CERT1: variants seen among roughly 807,000 people sequenced by gnomAD.
CERT1 encodes ceramide transporter 1, also known as ceramide transfer protein.
CERT1 carries 31 observed loss-of-function variants against 87.9 expected under a neutral mutation model. The observed-to-expected ratio is 0.35, with a 90% CI of 0.27 to 0.48. The LOEUF is 0.48. CERT1 is among the 20% of genes least tolerant of loss of function. CERT1 has a pLI of 0.99. For synonymous variants in CERT1, 289 were observed against 250.9 expected (o/e 1.15, Z -1.44); for missense variants, 487 against 758.0 (o/e 0.64, Z 4.20).
intron 2 of CERT1, among the ~76,000 whole-genome samples, chr5:75,481,290 C>T (rs1766229449): frequency 1.3e-5 from 2 of 152,178 alleles, no homozygotes; most frequent in South Asian, 2.1e-4. Context: ...TTCTCAAATT[C>T]CCCATTTCAC....
chr5:75,416,326 A>G (rs1421952964), intron 7 of CERT1, among the ~76,000 whole-genome samples: 2 of 152,120 alleles, frequency 1.3e-5, no homozygotes, highest in Admixed American at 1.3e-4. Context: ...TACTTAACAA[A>G]TCCACTGAGC....
At chr5:75,423,658 T>C (rs1763482345) in intron 5 of CERT1, among the ~76,000 whole-genome samples, 1 of 152,186 alleles carries the variant, frequency 6.6e-6, no homozygotes, top group African/African-American at 2.4e-5. Flanking sequence ...GGAGGATCAC[T>C]TGAGCCCAGG....
At chr5:75,462,172 A>G (rs1765259403) in intron 2 of CERT1, among the ~76,000 whole-genome samples, 1 of 152,210 alleles carries the variant, frequency 6.6e-6, no homozygotes, top group Non-Finnish European at 1.5e-5. Flanking sequence ...TTAGAAAGAA[A>G]CAAATGTAGG....
chr5:75,473,165 T>G (rs1044614796), intron 2 of CERT1, among the ~76,000 whole-genome samples: 1 of 152,126 alleles, frequency 6.6e-6, no homozygotes, highest in African/African-American at 2.4e-5. Context: ...ACTGCAACCT[T>G]GGACTCTTGG....
chr5:75,400,602 C>T lies in CERT1; in HGVS notation c.1018-305G>A, dbSNP rs78848225. The T allele has an allele frequency of 8.3e-3, 1,971 of 236,256 alleles. 40 individuals carry two copies. The highest frequency in any genetic ancestry group is 0.042 in the African/African-American group (1,861 of 44,720). 14.6% of individuals were successfully genotyped at this position (236,256 alleles called of 1,614,324 possible). On this transcript the variant is annotated intron_variant, in intron 9 of 16. Coordinates refer to ENST00000643780, the MANE Select transcript of CERT1 (RefSeq NM_001379029.1). ...ATTATTTATCATGGGTCAATCTTAA[C>T]GCTGCTGCCAATTCTCTCCTATCCA...
rs116409442 is a variant in CERT1, at chr5:75,397,383, A to G, written c.1188+1927T>C. 4.4e-3 allele frequency among the ~76,000 whole-genome samples: 665 copies of G among 152,336 alleles called. 3 individuals are homozygous for G. Among genetic ancestry groups the G allele is most frequent in the Non-Finnish European group, 7.6e-3 (519 of 68,026 alleles). Reference sequence around the variant, plus strand: ...AGTTTTACAAAAGGTTATTAATATTACGAAGAAGTAAGCTGTCAGCAAAAT... The same window carrying G: ...AGTTTTACAAAAGGTTATTAATATTGCGAAGAAGTAAGCTGTCAGCAAAAT... On this transcript the variant is annotated intron_variant, in intron 11 of 16. Transcript: ENST00000643780.
intron 2 of CERT1, among the ~76,000 whole-genome samples, chr5:75,485,244 G>A (rs1766454366): frequency 7.2e-6 from 1 of 139,704 alleles, no homozygotes; most frequent in South Asian, 2.2e-4. Context: ...AATGCAGGAG[G>A]ACTGCTTGAA....
chr5:75,498,232 C>G (rs1387950380), intron 2 of CERT1, among the ~76,000 whole-genome samples: 1 of 152,126 alleles, frequency 6.6e-6, no homozygotes, highest in East Asian at 1.9e-4. Flanking sequence ...AAATCTGCAG[C>G]CTGTTGATGT....
chr5:75,445,869 TTCTAAAGTTTCTGACAAGAAA>T (rs1225441197), intron 3 of CERT1, among the ~76,000 whole-genome samples: 7 of 152,154 alleles, frequency 4.6e-5, no homozygotes, highest in Non-Finnish European at 8.8e-5. Context: ...ACCTTCTGGC[TTCTAAAGTTTCTGACAAGAAA>T]TCTGTTAATT....
At chr5:75,427,224 A>T (rs1391571071) in intron 3 of CERT1, among the ~76,000 whole-genome samples, 6 of 152,244 alleles carry the variant, frequency 3.9e-5, no homozygotes, top group Non-Finnish European at 7.3e-5. Flanking sequence ...CAAAGAAATT[A>T]AAACATTTGA....
intron 2 of CERT1, among the ~76,000 whole-genome samples, chr5:75,498,679 C>T (rs1216811201): frequency 6.6e-6 from 1 of 152,210 alleles, no homozygotes; most frequent in Admixed American, 6.5e-5. Flanking sequence ...ATGGAAACAC[C>T]TGGATGTCCA....
At chr5:75,401,144 C>T (rs1284071360) in intron 9 of CERT1, 1 of 152,150 alleles carries the variant, frequency 6.6e-6, no homozygotes, top group Non-Finnish European at 1.5e-5. Context: ...TCTGTCATAT[C>T]AACATGCCTG....
At chr5:75,384,925 T>C (rs1056361087) in intron 13 of CERT1, among the ~76,000 whole-genome samples, 2 of 152,188 alleles carry the variant, frequency 1.3e-5, no homozygotes, top group Non-Finnish European at 2.9e-5. Context: ...CCTCATTTTC[T>C]TTGGCCCAAT....
At chr5:75,419,672 G>A (rs1209339133) in intron 5 of CERT1, among the ~76,000 whole-genome samples, 2 of 152,084 alleles carry the variant, frequency 1.3e-5, no homozygotes, top group African/African-American at 4.8e-5. Flanking sequence ...GTGAGACTAT[G>A]GAGAAGGGTA....
intron 2 of CERT1, among the ~76,000 whole-genome samples, chr5:75,469,168 T>C (rs1765600981): frequency 6.6e-6 from 1 of 151,040 alleles, no homozygotes; most frequent in Non-Finnish European, 1.5e-5. Flanking sequence ...ATACAATGAA[T>C]AAAATGAAAA....
In CERT1 at chr5:75,506,124, T is replaced by TGGGAAG. The variant is rs1290208233; in HGVS notation, c.97-14_97-9dup. Reference sequence around the variant, plus strand: ...ATGAATGTAGTTTGTCCACTGGGAGTGGGAAGGGGAAGGGAAGAGAGAAGA... The same window carrying TGGGAAG: ...ATGAATGTAGTTTGTCCACTGGGAGTGGGAAGGGGAAGGGGAAGGGAAGAGAGAAGA... On this transcript the variant is annotated splice_polypyrimidine_tract_variant and intron_variant, in intron 1 of 16. Transcript: ENST00000643780. The TGGGAAG allele has an allele frequency of 1.2e-6, 2 of 1,610,936 alleles. No homozygotes were observed. Among genetic ancestry groups the TGGGAAG allele is most frequent in the African/African-American group, 2.7e-5 (2 of 74,796 alleles).
At chr5:75,419,241 T>A (rs373158595) in intron 6 of CERT1, 100 bp downstream of exon 6, 2 of 733,144 alleles carry the variant, frequency 2.7e-6, no homozygotes, top group African/African-American at 1.8e-5. Flanking sequence ...CCAGTTCTAC[T>A]GCTTTTTAAA....
chr5:75,434,996 T>G (rs1025655238), intron 3 of CERT1, among the ~76,000 whole-genome samples: 2 of 152,174 alleles, frequency 1.3e-5, no homozygotes, highest in Non-Finnish European at 2.9e-5. Context: ...TCAGCTCTCA[T>G]TTTATTTGAT....
At chr5:75,452,959 A>G (rs142797922) in intron 3 of CERT1, among the ~76,000 whole-genome samples, 2 of 152,344 alleles carry the variant, frequency 1.3e-5, no homozygotes, top group African/African-American at 4.8e-5. Flanking sequence ...TGGTATACAT[A>G]TGTCCTTTTC....
Sources: gnomAD v4.1 joint callset for allele counts (sites outside exome capture counted in the v4.1 genomes callset) on GRCh38, gnomAD v4.1.1 for gene constraint, MANE v1.5 for transcripts, NCBI Gene and HGNC (gene_info 2026-07-23, HGNC 2026-07-21) for gene names.